The following FILIP1L variants were observed in gnomAD, a reference collection of about 807,000 sequenced individuals.
FILIP1L encodes filamin A interacting protein 1 like.
In FILIP1L, 55 loss-of-function variants were observed where a neutral mutation model predicts 96.6. The observed-to-expected ratio is 0.57, with a 90% confidence interval of 0.46 to 0.71. The LOEUF is 0.71. FILIP1L is among the 30% of genes least tolerant of loss of function. The pLI is 0.00. For missense variants in FILIP1L, 1,304 were observed against 1,321.2 expected (o/e 0.99, Z 0.20); for synonymous variants, 467 against 473.9 (o/e 0.99, Z 0.19).
intron 1 of FILIP1L, chr3:100,010,050 T>C (rs971193305): frequency 8.0e-6 from 2 of 248,542 alleles, no homozygotes; most frequent in South Asian, 1.5e-4. Context: ...ATATCTACCA[T>C]ATGTTTTACA....
chr3:100,009,714 T>G (rs892735421), intron 1 of FILIP1L, among the ~76,000 whole-genome samples: 1 of 152,224 alleles, frequency 6.6e-6, no homozygotes, highest in Admixed American at 6.5e-5. Context: ...TGGCACCTTT[T>G]TCTTGAGTCA....
intron 1 of FILIP1L, among the ~76,000 whole-genome samples, chr3:100,071,055 A>C (rs1559747468): frequency 2.8e-5 from 4 of 145,020 alleles, no homozygotes; most frequent in South Asian, 2.2e-4. Context: ...TTTAAAAGAA[A>C]GGGGTTTGTT....
intron 1 of FILIP1L, chr3:99,964,434 C>T (rs1317913574): frequency 2.6e-5 from 4 of 152,168 alleles, no homozygotes; most frequent in African/African-American, 9.8e-5. Context: ...AGGATCAAGG[C>T]CAAACCACTT....
At chr3:99,910,237 A>T in intron 4 of FILIP1L, among the ~76,000 whole-genome samples, 1 of 136,512 alleles carries the variant, frequency 7.3e-6, no homozygotes, top group East Asian at 2.0e-4. Flanking sequence ...AGGCTATAAA[A>T]ATTTAAATAA....
intron 1 of FILIP1L, among the ~76,000 whole-genome samples, chr3:100,013,888 G>A (rs1710238936): frequency 6.6e-6 from 1 of 152,048 alleles, no homozygotes; most frequent in Non-Finnish European, 1.5e-5. Context: ...TAGTCACCGT[G>A]CTTCACAATA....
chr3:99,968,993 A>T (rs1426759942), intron 1 of FILIP1L, among the ~76,000 whole-genome samples: 1 of 152,136 alleles, frequency 6.6e-6, no homozygotes, highest in East Asian at 1.9e-4. Flanking sequence ...TTGATAAAAG[A>T]TTTAAATGGG....
chr3:100,074,260 C>T (rs1024284804), intron 1 of FILIP1L, among the ~76,000 whole-genome samples: 6 of 152,212 alleles, frequency 3.9e-5, no homozygotes, highest in Non-Finnish European at 7.3e-5. Context: ...GAGAGCTCTT[C>T]GCTGCTTTCC....
intron 4 of FILIP1L, among the ~76,000 whole-genome samples, chr3:99,861,779 G>A (rs1198097602): frequency 6.6e-6 from 1 of 152,156 alleles, no homozygotes; most frequent in Non-Finnish European, 1.5e-5. Context: ...AAAACTATGA[G>A]AGGCAGGGCA....
At chr3:99,970,432 A>G (rs1161533515) in intron 1 of FILIP1L, among the ~76,000 whole-genome samples, 1 of 152,226 alleles carries the variant, frequency 6.6e-6, no homozygotes, top group Non-Finnish European at 1.5e-5. Context: ...GTGGTTCACT[A>G]GTCAGTTTTG....
At chr3:99,965,757 T>A (rs1308718994) in intron 1 of FILIP1L, among the ~76,000 whole-genome samples, 1 of 152,212 alleles carries the variant, frequency 6.6e-6, no homozygotes, top group Non-Finnish European at 1.5e-5. Flanking sequence ...AAATGAAGGT[T>A]ACCAGATGGA....
chr3:100,053,248 A>G (rs1351300487), intron 1 of FILIP1L, among the ~76,000 whole-genome samples: 1 of 152,198 alleles, frequency 6.6e-6, no homozygotes, highest in Non-Finnish European at 1.5e-5. Flanking sequence ...AAATTGGGTG[A>G]TTTATAATAA....
chr3:100,044,192 T>C (rs2065246057), intron 1 of FILIP1L, among the ~76,000 whole-genome samples: 1 of 152,232 alleles, frequency 6.6e-6, no homozygotes. Context: ...TTTATTCATT[T>C]AACAAATTTT....
intron 1 of FILIP1L, among the ~76,000 whole-genome samples, chr3:99,944,171 G>T (rs1231873388): frequency 6.6e-6 from 1 of 152,210 alleles, no homozygotes; most frequent in Non-Finnish European, 1.5e-5. Flanking sequence ...CTTCTAGTCA[G>T]TGCTAAACAA....
At chr3:99,836,639 C>T (rs1197581151) in intron 5 of FILIP1L, among the ~76,000 whole-genome samples, 6 of 152,164 alleles carry the variant, frequency 3.9e-5, no homozygotes, top group Non-Finnish European at 7.3e-5. Flanking sequence ...CTACCATGTG[C>T]CCACATCCTC....
intron 4 of FILIP1L, among the ~76,000 whole-genome samples, chr3:99,903,080 C>T (rs1487738608): frequency 6.6e-6 from 1 of 151,956 alleles, no homozygotes; most frequent in Non-Finnish European, 1.5e-5. Flanking sequence ...CCCTAGGTAC[C>T]TTATTTATCA....
At chr3:99,872,107 G>T (rs1289802304) in intron 4 of FILIP1L, among the ~76,000 whole-genome samples, 1 of 152,062 alleles carries the variant, frequency 6.6e-6, no homozygotes, top group Non-Finnish European at 1.5e-5. Context: ...GTGAGCTGTA[G>T]CCCAAGAATG....
At chr3:100,017,871 G>T (rs1252778701) in intron 1 of FILIP1L, among the ~76,000 whole-genome samples, 2 of 152,152 alleles carry the variant, frequency 1.3e-5, no homozygotes, top group African/African-American at 2.4e-5. Context: ...TATTTCTCAG[G>T]CCCATAACTA....
chr3:99,837,620 G>A (rs1323160961), intron 5 of FILIP1L, among the ~76,000 whole-genome samples: 1 of 152,134 alleles, frequency 6.6e-6, no homozygotes, highest in African/African-American at 2.4e-5. Flanking sequence ...ATGCTTCCTT[G>A]GTTTACAGTT....
chr3:99,939,336 A>G (rs1314447303), intron 1 of FILIP1L, among the ~76,000 whole-genome samples: 4 of 152,242 alleles, frequency 2.6e-5, no homozygotes, highest in Non-Finnish European at 5.9e-5. Context: ...TTCTGCCTCC[A>G]GAACTAAAGC....
Sources: allele counts gnomAD v4.1 joint callset (sites outside exome capture counted in the v4.1 genomes callset), GRCh38; gene constraint gnomAD v4.1.1; transcripts MANE v1.5; gene names NCBI Gene and HGNC (gene_info 2026-07-23, HGNC 2026-07-21).